The following NAALADL2 variants were observed in gnomAD, a reference collection of about 807,000 sequenced individuals.
NAALADL2 encodes N-acetylated alpha-linked acidic dipeptidase like 2.
NAALADL2 carries 76 observed loss-of-function variants against 87.2 expected under a neutral mutation model. The ratio of observed to expected loss-of-function variants is 0.87; its 90% confidence interval spans 0.72 to 1.05. The LOEUF (loss-of-function observed/expected upper bound fraction) is 1.05. Ranked by LOEUF, NAALADL2 falls within the 50% of genes least tolerant of loss-of-function variation. The pLI, the probability that NAALADL2 is intolerant of heterozygous loss-of-function variation, is 0.00. For synonymous variants in NAALADL2, 354 were observed against 331.0 expected, an observed-to-expected ratio of 1.07 and a Z score of -0.75; for missense variants, 1,089 against 945.8, an observed-to-expected ratio of 1.15 and a Z score of -1.99.
chr3:175,377,576 A>G (rs1021479612), intron 5 of NAALADL2, among the ~76,000 whole-genome samples: 5 of 152,204 alleles, frequency 3.3e-5, no homozygotes, highest in African/African-American at 9.6e-5. Context: ...GACAGGGGCC[A>G]GTCCCTGGCA....
chr3:174,960,990 T>A (rs914116960), intron 1 of NAALADL2, among the ~76,000 whole-genome samples: 2 of 150,738 alleles, frequency 1.3e-5, no homozygotes, highest in Admixed American at 6.6e-5. Context: ...TCAGCTATGA[T>A]CATGCCATTC....
At chr3:175,258,941 A>T (rs1222111468) in intron 4 of NAALADL2, among the ~76,000 whole-genome samples, 1 of 152,212 alleles carries the variant, frequency 6.6e-6, no homozygotes, top group Non-Finnish European at 1.5e-5. Context: ...AGCACATGTG[A>T]CAGAGAGCCA....
intron 1 of NAALADL2, among the ~76,000 whole-genome samples, chr3:175,080,118 AC>A (rs2109230063): frequency 6.6e-6 from 1 of 152,100 alleles, no homozygotes; most frequent in African/African-American, 2.4e-5. Flanking sequence ...GGCGCCCGCC[AC>A]GGCGCCCGGC....
intron 9 of NAALADL2, among the ~76,000 whole-genome samples, chr3:175,503,881 T>C (rs1042829087): frequency 6.6e-6 from 1 of 152,120 alleles, no homozygotes; most frequent in Non-Finnish European, 1.5e-5. Flanking sequence ...CTGTAAGTTG[T>C]TTGTTTACTC....
At position 175,363,604 on chromosome 3, in the gene NAALADL2, C is replaced by T. The variant is rs143638281; in HGVS notation, c.1090+39279C>T. Among the ~76,000 whole-genome samples, 636 of 147,950 alleles carry T rather than the reference C, an allele frequency of 4.3e-3. 65 individuals carry two copies. The highest frequency in any genetic ancestry group is 9.5e-3 in the Admixed American group (137 of 14,422). ...TTCCCTTGGTTCAACTAAACACACGCATACACATAAACATGCATGTACCTT... is the reference window on the plus strand; with the variant it reads ...TTCCCTTGGTTCAACTAAACACACGTATACACATAAACATGCATGTACCTT... On this transcript the variant is annotated intron_variant, in intron 5 of 13. Transcript: ENST00000454872.
Position 175,398,915 on chromosome 3 carries a change from A to G in NAALADL2, c.1091-48314A>G, listed in dbSNP as rs562766258. Among the ~76,000 whole-genome samples, 158 of 152,184 alleles carry G rather than the reference A, an allele frequency of 1.0e-3. 1 individual carries two copies. Among genetic ancestry groups the G allele is most frequent in the Non-Finnish European group, 1.6e-3 (106 of 67,990 alleles). On this transcript the variant is annotated intron_variant, in intron 5 of 13. Transcript: ENST00000454872. ...AGAATTAAGGGTGAGTCAACAGTGC[A>G]AAGCAAAAACAAGTTTATTAAGAAA... is the stretch of plus-strand genomic sequence containing the variant.
chr3:174,481,161 G>A (rs1717522376), intron 1 of NAALADL2, among the ~76,000 whole-genome samples: 1 of 152,156 alleles, frequency 6.6e-6, no homozygotes, highest in South Asian at 2.1e-4. Context: ...GGGAAGTTTA[G>A]TAGGTAAACT....
At chr3:175,776,714 T>A (rs1750292216) in intron 13 of NAALADL2, among the ~76,000 whole-genome samples, 1 of 152,112 alleles carries the variant, frequency 6.6e-6, no homozygotes, top group Non-Finnish European at 1.5e-5. Flanking sequence ...TGATTAAATC[T>A]CAATTCATGA....
chr3:175,008,641 T>A (rs1296828662), intron 1 of NAALADL2, among the ~76,000 whole-genome samples: 1 of 152,126 alleles, frequency 6.6e-6, no homozygotes, highest in Non-Finnish European at 1.5e-5. Context: ...AAACCAGATC[T>A]TGCAGTGGTG....
chr3:175,248,021 A>G (rs534473768), intron 3 of NAALADL2, among the ~76,000 whole-genome samples: 2 of 152,320 alleles, frequency 1.3e-5, no homozygotes, highest in Admixed American at 1.3e-4. Flanking sequence ...GCTCTGCACC[A>G]TCTGCTTAAT....
At chr3:175,389,020 T>C (rs1768761411) in intron 5 of NAALADL2, among the ~76,000 whole-genome samples, 1 of 152,124 alleles carries the variant, frequency 6.6e-6, no homozygotes, top group Admixed American at 6.6e-5. Context: ...TTCTGTTCAT[T>C]AAGATAATCA....
chr3:174,444,487 T>C (rs1171397067), intron 1 of NAALADL2, among the ~76,000 whole-genome samples: 1 of 152,126 alleles, frequency 6.6e-6, no homozygotes, highest in Non-Finnish European at 1.5e-5. Context: ...AGAAGGGGGA[T>C]TTCTGCCTTG....
At chr3:175,730,310 A>G (rs1743500262) in intron 11 of NAALADL2, among the ~76,000 whole-genome samples, 2 of 149,294 alleles carry the variant, frequency 1.3e-5, no homozygotes, top group South Asian at 4.2e-4. Flanking sequence ...CAGTTATCCC[A>G]TATAAAAGTT....
chr3:174,562,931 G>A (rs1578178150), intron 2 of NAALADL2, among the ~76,000 whole-genome samples: 1 of 152,054 alleles, frequency 6.6e-6, no homozygotes, highest in Admixed American at 6.6e-5. Flanking sequence ...TTTATCTTCA[G>A]ATCTAGCTAA....
At chr3:175,644,741 T>TAA (rs1729765350) in intron 11 of NAALADL2, among the ~76,000 whole-genome samples, 1 of 152,140 alleles carries the variant, frequency 6.6e-6, no homozygotes, top group South Asian at 2.1e-4. Flanking sequence ...CATATAAATG[T>TAA]AAAAATTAGC....
At chr3:175,115,488 A>G (rs1331226612) in intron 2 of NAALADL2, among the ~76,000 whole-genome samples, 1 of 100,150 alleles carries the variant, frequency 1.0e-5, no homozygotes, top group Non-Finnish European at 2.0e-5. Context: ...GAGTATTTGC[A>G]AATAGCAGAT....
At chr3:175,203,670 T>A (rs1740402637) in intron 2 of NAALADL2, among the ~76,000 whole-genome samples, 1 of 151,860 alleles carries the variant, frequency 6.6e-6, no homozygotes, top group African/African-American at 2.4e-5. Flanking sequence ...TGATAATCTC[T>A]CATAAATAAT....
At chr3:175,324,542 A>G (rs776946214) in intron 5 of NAALADL2, among the ~76,000 whole-genome samples, 25 of 152,190 alleles carry the variant, frequency 1.6e-4, no homozygotes, top group Non-Finnish European at 3.2e-4. Flanking sequence ...TTTTATCTCA[A>G]CAAATTACAG....
At chr3:175,699,570 A>G (rs1198688405) in intron 11 of NAALADL2, among the ~76,000 whole-genome samples, 4 of 152,026 alleles carry the variant, frequency 2.6e-5, no homozygotes, top group African/African-American at 9.7e-5. Flanking sequence ...TTGAGAGGTG[A>G]GAAATTCACT....
Sources: allele counts gnomAD v4.1 joint callset (sites outside exome capture counted in the v4.1 genomes callset), GRCh38; gene constraint gnomAD v4.1.1; transcripts MANE v1.5; gene names NCBI Gene and HGNC (gene_info 2026-07-23, HGNC 2026-07-21).